ANO2: variants seen among roughly 807,000 people sequenced by gnomAD.
The protein encoded by ANO2 is anoctamin 2, also known as anoctamin-2.
ANO2 carries 101 observed loss-of-function variants against 124.2 expected under a neutral mutation model. That is an observed-to-expected ratio of 0.81 (90% confidence interval 0.69 to 0.96). The LOEUF (loss-of-function observed/expected upper bound fraction) is 0.96. Among genes scored for constraint, ANO2 ranks in the 40% least tolerant of loss-of-function variants. The pLI, the probability that ANO2 is intolerant of heterozygous loss-of-function variation, is 0.00. For synonymous variants in ANO2, 486 were observed against 482.5 expected (o/e 1.01, Z -0.09); for missense variants, 1,293 against 1,274.5 (o/e 1.01, Z -0.22).
chr12:5,699,198 T>C (rs1187110760), intron 14 of ANO2, among the ~76,000 whole-genome samples: 3 of 152,108 alleles, frequency 2.0e-5, no homozygotes, highest in South Asian at 2.1e-4. Flanking sequence ...GAGAGAAAGG[T>C]TGGGTTACCC....
At chr12:5,799,327 T>A (rs891637175) in intron 10 of ANO2, among the ~76,000 whole-genome samples, 180 bp downstream of exon 10, 1 of 152,200 alleles carries the variant, frequency 6.6e-6, no homozygotes, top group East Asian at 1.9e-4. Flanking sequence ...GCAGCCTCCA[T>A]GTCCCTCCCA....
chr12:5,649,061 A>G (rs1946785983), intron 14 of ANO2, among the ~76,000 whole-genome samples: 1 of 152,180 alleles, frequency 6.6e-6, no homozygotes, highest in Non-Finnish European at 1.5e-5. Flanking sequence ...ACAGAAGAAA[A>G]TTGACATGAT....
chr12:5,648,236 G>A (rs1946742997), intron 14 of ANO2, among the ~76,000 whole-genome samples: 1 of 152,176 alleles, frequency 6.6e-6, no homozygotes, highest in African/African-American at 2.4e-5. Context: ...GTGGACAAAT[G>A]ACAGATACGA....
At chr12:5,897,204 A>G (rs1027343875) in intron 3 of ANO2, among the ~76,000 whole-genome samples, 1 of 152,220 alleles carries the variant, frequency 6.6e-6, no homozygotes, top group Non-Finnish European at 1.5e-5. Flanking sequence ...GAAGACTTAG[A>G]GGAAGCAGCC....
At chr12:5,836,196 G>A (rs1591674457) in intron 4 of ANO2, among the ~76,000 whole-genome samples, 1 of 152,142 alleles carries the variant, frequency 6.6e-6, no homozygotes, top group Non-Finnish European at 1.5e-5. Context: ...ATTTTCTCTT[G>A]CTAAGGGTTG....
intron 10 of ANO2, among the ~76,000 whole-genome samples, chr12:5,780,048 T>C (rs1952341674): frequency 1.3e-5 from 2 of 152,340 alleles, no homozygotes; most frequent in South Asian, 2.1e-4. Context: ...AACTTCCTGA[T>C]TTTGAAAATC....
chr12:5,758,695 C>T (rs981496405), intron 10 of ANO2, among the ~76,000 whole-genome samples: 1 of 152,180 alleles, frequency 6.6e-6, no homozygotes, highest in Non-Finnish European at 1.5e-5. Flanking sequence ...GTGACTCTTG[C>T]AACAACAAAA....
chr12:5,628,351 T>C (rs984232995), intron 16 of ANO2, among the ~76,000 whole-genome samples: 14 of 152,220 alleles, frequency 9.2e-5, no homozygotes, highest in African/African-American at 3.1e-4. Flanking sequence ...GTGAGTGCAC[T>C]GCATTCTAAA....
At chr12:5,878,616 A>T (rs901735731) in intron 3 of ANO2, among the ~76,000 whole-genome samples, 14 of 152,246 alleles carry the variant, frequency 9.2e-5, no homozygotes, top group Admixed American at 9.2e-4. Flanking sequence ...ACACAGACAA[A>T]TAACATAGAC....
intron 15 of ANO2, among the ~76,000 whole-genome samples, chr12:5,638,702 C>T (rs373894608): frequency 2.0e-5 from 3 of 152,144 alleles, no homozygotes; most frequent in East Asian, 2.0e-4. Context: ...CACAGCAGCG[C>T]CTCCCGTAGA....
chr12:5,602,793 T>A (rs1055149379), intron 19 of ANO2, among the ~76,000 whole-genome samples: 5 of 146,300 alleles, frequency 3.4e-5, no homozygotes, highest in Non-Finnish European at 6.1e-5. Flanking sequence ...CAAACATAGA[T>A]CCTCTACAAA....
chr12:5,837,032 G>A (rs965493120), intron 4 of ANO2, among the ~76,000 whole-genome samples: 1 of 152,218 alleles, frequency 6.6e-6, no homozygotes, highest in South Asian at 2.1e-4. Flanking sequence ...GATGACAGCA[G>A]TTGCTGTCAC....
At position 5,635,179 on chromosome 12, in the gene ANO2, C is replaced by T. The variant is rs748165730; in HGVS notation, c.1789G>A (p.Ala597Thr). 5.6e-5 allele frequency: 89 copies of T among 1,594,302 alleles called. No individual in the cohort carries two copies. Among genetic ancestry groups the T allele is most frequent in the Middle Eastern group, 1.7e-4 (1 of 5,902 alleles). The change falls in exon 16 of 25, where the codon GCT becomes ACT. Residue 597 changes from alanine (A) to threonine (T), a missense_variant. Transcript: ENST00000682330. The surrounding 1 kb of genome is among the most constrained non-coding windows in gnomAD (Gnocchi z 5.2). Reference protein sequence around the residue: ...VILILDEIYGAVAKWLTKIEV... With the variant: ...VILILDEIYGTVAKWLTKIEV... ...ATTTTGGTGAGCCACTTGGCCACAG[C>T]GCCGTAGATCTCGTCCAGGATGAGG...
chr12:5,685,682 G>A (rs2137006300), intron 14 of ANO2, among the ~76,000 whole-genome samples: 1 of 152,272 alleles, frequency 6.6e-6, no homozygotes, highest in East Asian at 1.9e-4. Context: ...GCTATGTGGG[G>A]AGCTGAGTCA....
At chr12:5,575,506 C>T (rs1312134979) in intron 23 of ANO2, among the ~76,000 whole-genome samples, 3 of 152,126 alleles carry the variant, frequency 2.0e-5, no homozygotes, top group Admixed American at 6.5e-5. Context: ...TTATACAAAT[C>T]TAGATGCTAT....
intron 1 of ANO2, among the ~76,000 whole-genome samples, chr12:5,938,405 T>C (rs1412284091): frequency 6.6e-6 from 1 of 152,224 alleles, no homozygotes; most frequent in East Asian, 1.9e-4. Flanking sequence ...TTTTTTCCAG[T>C]ATTATAATTT....
At chr12:5,853,011 T>A (rs1034445702) in intron 4 of ANO2, among the ~76,000 whole-genome samples, 2 of 151,890 alleles carry the variant, frequency 1.3e-5, no homozygotes, top group African/African-American at 2.4e-5. Flanking sequence ...CTAAGAGACA[T>A]GGCAGATGGT....
At chr12:5,605,825 C>T (rs1182902837) in intron 19 of ANO2, among the ~76,000 whole-genome samples, 6 of 152,138 alleles carry the variant, frequency 3.9e-5, no homozygotes, top group East Asian at 3.9e-4. Context: ...GATTCAGCCA[C>T]GCTGCTCGCC....
chr12:5,665,721 C>T (rs1469185163), intron 14 of ANO2, among the ~76,000 whole-genome samples: 1 of 148,698 alleles, frequency 6.7e-6, no homozygotes, highest in African/African-American at 2.5e-5. Context: ...CCCCCACCCC[C>T]ACCCCCACCC....
Sources: allele counts gnomAD v4.1 joint callset (sites outside exome capture counted in the v4.1 genomes callset), GRCh38; gene constraint gnomAD v4.1.1; non-coding constraint Gnocchi (gnomAD v3.1); transcripts MANE v1.5; gene names NCBI Gene and HGNC (gene_info 2026-07-23, HGNC 2026-07-21).